Variants in STEAP4 observed in about 807,000 individuals in gnomAD.
STEAP4 encodes metalloreductase STEAP4.
Under a neutral mutation model 43.6 loss-of-function variants are expected in STEAP4, and 36 were observed. The observed-to-expected ratio is 0.83, with a 90% CI of 0.63 to 1.09. The LOEUF (loss-of-function observed/expected upper bound fraction) is 1.09, where lower values mean the gene tolerates loss of function less well. Ranked by LOEUF, STEAP4 falls within the 50% of genes least tolerant of loss-of-function variation. The pLI, the probability that STEAP4 is intolerant of heterozygous loss-of-function variation, is 0.00. For missense variants in STEAP4, 495 were observed against 546.5 expected (o/e 0.91, Z 0.94); for synonymous variants, 191 against 196.7 (o/e 0.97, Z 0.24).
chr7:88,301,315 C>G (rs1563504932), intron 1 of STEAP4, among the ~76,000 whole-genome samples: 1 of 152,174 alleles, frequency 6.6e-6, no homozygotes, highest in African/African-American at 2.4e-5. Context: ...GCTCTGTCAC[C>G]CAGGCAGGAG....
chr7:88,284,199 A>C lies in STEAP4; in HGVS notation c.71T>G (p.Ile24Ser), dbSNP rs771207002. 5.6e-6 allele frequency: 9 copies of C among 1,613,912 alleles called. No homozygotes were observed. In the East Asian group the frequency reaches 2.0e-4, roughly 36 times the overall value. Residue 24 changes from isoleucine (I) to serine (S), a missense_variant, in exon 2 of 5, where the codon ATT (isoleucine) becomes AGT (serine). By Grantham distance (142) the Ile-to-Ser change is moderately radical. Coordinates refer to ENST00000380079, the MANE Select transcript of STEAP4 (RefSeq NM_024636.4). ...TCTTCCAAAATCACCAGTTCCAAAA[A>C]TACATACAGTCTCTTGCTTTTCTGA... The part of the protein sequence containing the change: ...NSSEKQETVC[I>S]FGTGDFGRSL...
chr7:88,273,682 C>G lies in STEAP4; in HGVS notation c.*5716G>C, dbSNP rs182940374. ...AAAAGAAAATATTTGCCTTTAAGCT[C>G]TGGAGAAGAGCTATCCTCTCCTTGA... On this transcript the variant is annotated 3_prime_UTR_variant, in exon 5 of 5. Coordinates refer to ENST00000380079, the MANE Select transcript of STEAP4 (RefSeq NM_024636.4). 1.3e-5 allele frequency: 2 copies of G among 152,324 alleles called. No individual in the cohort carries two copies. Among genetic ancestry groups the G allele is most frequent in the East Asian group, 3.9e-4 (2 of 5,186 alleles). 9.4% of individuals were successfully genotyped at this position (152,324 alleles called of 1,614,324 possible). A position where few individuals can be genotyped will look rare whatever the true frequency, so the allele number is the denominator to read the frequency against.
At position 88,305,440 on chromosome 7, in the gene STEAP4, G is replaced by A. The variant is rs1206366379; in HGVS notation, c.-3+1352C>T. On this transcript the variant is annotated intron_variant, in intron 1 of 4. Transcript: ENST00000380079. ...AAAAGTTACTGCTTCAAATAAATGT[G>A]CCATTTTACAAAATTATACCTACTG... Among the ~76,000 whole-genome samples, 3 of 152,036 alleles carry A rather than the reference G, an allele frequency of 2.0e-5. No homozygotes were observed. In the East Asian group the frequency reaches 5.8e-4, roughly 29 times the overall value.
chr7:88,304,702 CA>C lies in STEAP4; in HGVS notation c.-3+2089del, dbSNP rs66646552. 3.0e-3 allele frequency among the ~76,000 whole-genome samples: 426 copies of C among 143,020 alleles called. 4 individuals carry two copies. Among genetic ancestry groups the C allele is most frequent in the African/African-American group, 0.01 (403 of 39,056 alleles). The allele number at this position is 143,020 out of a possible 152,430, so 93.8% of individuals were successfully genotyped here. A position where few individuals can be genotyped will look rare whatever the true frequency, so the allele number is the denominator to read the frequency against. On this transcript the variant is annotated intron_variant, in intron 1 of 4. Coordinates refer to ENST00000380079, the MANE Select transcript of STEAP4 (RefSeq NM_024636.4). ...ACTTATCAGATTTCCTAAGATTTTC[CA>C]AAAAAAAAATGATTTTTAAGTAGCA...
chr7:88,293,776 A>C (rs540595702), intron 1 of STEAP4, among the ~76,000 whole-genome samples: 5 of 152,052 alleles, frequency 3.3e-5, no homozygotes, highest in African/African-American at 1.2e-4. Context: ...TGCATTCTCT[A>C]TTCTGTTCCA....
intron 1 of STEAP4, among the ~76,000 whole-genome samples, chr7:88,302,514 C>T (rs1853052570): frequency 6.6e-6 from 1 of 152,238 alleles, no homozygotes; most frequent in Admixed American, 6.5e-5. Context: ...ACTGTTTTCA[C>T]ACCCTGTAAA....
chr7:88,302,905 CAT>C (rs144373235), intron 1 of STEAP4, among the ~76,000 whole-genome samples: 1,697 of 130,834 alleles, frequency 0.013, 33 homozygotes, highest in African/African-American at 0.047. Flanking sequence ...AGTGAGCTGA[CAT>C]CGCGCTACTG....
At chr7:88,301,638 G>A (rs1233257662) in intron 1 of STEAP4, among the ~76,000 whole-genome samples, 1 of 150,858 alleles carries the variant, frequency 6.6e-6, no homozygotes, top group African/African-American at 2.4e-5. Context: ...CTACCTCCTG[G>A]GTTCAAATTA....
chr7:88,304,714 G>A (rs986283868), intron 1 of STEAP4, among the ~76,000 whole-genome samples: 8 of 151,274 alleles, frequency 5.3e-5, no homozygotes, highest in Non-Finnish European at 5.9e-5. Flanking sequence ...AAAAAAAAAT[G>A]ATTTTTAAGT....
rs752684496 is a variant in STEAP4, at chr7:88,283,896, A to G, written c.374T>C (p.Val125Ala). 213 of 1,614,032 alleles carry G rather than the reference A, an allele frequency of 1.3e-4. No individual in the cohort carries two copies. The highest frequency in any genetic ancestry group is 1.6e-4 in the Non-Finnish European group (191 of 1,180,038). ...TGCTTTTACCACGTGGGCTCCTGGC[A>G]CCAAATGAGCAAGGTACTCTGCATT... ...ESNAEYLAHL[V>A]PGAHVVKAFN... The change falls in exon 2 of 5, where the codon GTG (valine) becomes GCG (alanine). Residue 125 changes from valine to alanine, a missense_variant. Coordinates refer to ENST00000380079, the MANE Select transcript of STEAP4 (RefSeq NM_024636.4).
At chr7:88,287,771 A>G (rs1348120253) in intron 1 of STEAP4, among the ~76,000 whole-genome samples, 1 of 152,218 alleles carries the variant, frequency 6.6e-6, no homozygotes, top group Non-Finnish European at 1.5e-5. Flanking sequence ...GGGGAAGGTC[A>G]GACTCTTGTA....
intron 1 of STEAP4, among the ~76,000 whole-genome samples, chr7:88,300,321 G>A (rs1040822467): frequency 1.3e-5 from 2 of 152,178 alleles, no homozygotes; most frequent in Admixed American, 1.3e-4. Flanking sequence ...TGATTTTCAT[G>A]CCTCAGCTTC....
Position 88,277,344 on chromosome 7 carries a change from T to C in STEAP4, c.*2054A>G, listed in dbSNP as rs1451045941. 6.6e-6 allele frequency: 1 copy of C among 152,092 alleles called. No homozygotes were observed. Among genetic ancestry groups the C allele is most frequent in the Non-Finnish European group, 1.5e-5 (1 of 68,016 alleles). The allele number at this position is 152,092 out of a possible 1,614,324, so 9.4% of individuals were successfully genotyped here. On this transcript the variant is annotated 3_prime_UTR_variant, in exon 5 of 5. Coordinates refer to ENST00000380079, the MANE Select transcript of STEAP4 (RefSeq NM_024636.4). Reference sequence around the variant, plus strand: ...GCAACCAGTTATAAATAAACGCAAATTGAAATAAAAAAGACAATCTACAAT... The same window carrying C: ...GCAACCAGTTATAAATAAACGCAAACTGAAATAAAAAAGACAATCTACAAT...
intron 1 of STEAP4, among the ~76,000 whole-genome samples, chr7:88,306,298 T>C (rs62486437): frequency 0.077 from 11,715 of 152,304 alleles, 658 homozygotes; most frequent in Non-Finnish European, 0.12. Flanking sequence ...TAAATTATAT[T>C]CTGAACAATC....
rs1181159741 is a variant in STEAP4 at position 88,272,939 on chromosome 7, A to G, written c.*6459T>C. On this transcript the variant is annotated 3_prime_UTR_variant, in exon 5 of 5. Transcript: ENST00000380079. ...TAGAAGGCTAGCTATAACAGACTCT[A>G]TAGAAAATTCCTGCATTTGGTAGCA... is the stretch of plus-strand genomic sequence containing the variant. 6.6e-6 allele frequency: 1 copy of G among 152,238 alleles called. No homozygotes were observed. Among genetic ancestry groups the G allele is most frequent in the Non-Finnish European group, 1.5e-5 (1 of 68,034 alleles). 9.4% of individuals were successfully genotyped at this position (152,238 alleles called of 1,614,324 possible).
rs1230406619 is a variant in STEAP4, at chr7:88,271,279, T to C, written c.*8119A>G. The stretch of plus-strand genomic sequence containing the variant: ...TAAAAACCAAAATGATATGAAAAGG[T>C]CTACAGTGCTTCTACTCCTGTCACT... On this transcript the variant is annotated 3_prime_UTR_variant, in exon 5 of 5. Transcript: ENST00000380079. 6.6e-6 allele frequency: 1 copy of C among 152,166 alleles called. No homozygotes were observed. Among genetic ancestry groups the C allele is most frequent in the Non-Finnish European group, 1.5e-5 (1 of 68,032 alleles). 9.4% of individuals were successfully genotyped at this position (152,166 alleles called of 1,614,324 possible).
In STEAP4 at chr7:88,271,875, G is replaced by C. The variant is rs1471143618; in HGVS notation, c.*7523C>G. The C allele has an allele frequency of 6.6e-6, 1 of 152,192 alleles. No individual in the cohort carries two copies. Among genetic ancestry groups the C allele is most frequent in the African/African-American group, 2.4e-5 (1 of 41,452 alleles). The allele number at this position is 152,192 out of a possible 1,614,324, so 9.4% of individuals were successfully genotyped here. On this transcript the variant is annotated 3_prime_UTR_variant, in exon 5 of 5. Coordinates refer to ENST00000380079, the MANE Select transcript of STEAP4 (RefSeq NM_024636.4). ...GGATTTTTGCCCATCTACTAGGTGAGAAATGGTATTGATACAGTTACAATT... is the reference window on the plus strand; with the variant it reads ...GGATTTTTGCCCATCTACTAGGTGACAAATGGTATTGATACAGTTACAATT...
At position 88,284,664 on chromosome 7, in the gene STEAP4, T is replaced by C. The variant is rs536844870; in HGVS notation, c.-2-393A>G. Among the ~76,000 whole-genome samples, 3 of 152,304 alleles carry C rather than the reference T, an allele frequency of 2.0e-5. No individual in the cohort carries two copies. In the South Asian group the frequency reaches 6.2e-4, roughly 32 times the overall value. On this transcript the variant is annotated intron_variant, in intron 1 of 4. Transcript: ENST00000380079. ...CAGCAGCTTGTTAATAGAAGGTTTA[T>C]GTTGATCAAATGGGGATTATTCTAC...
intron 1 of STEAP4, among the ~76,000 whole-genome samples, chr7:88,289,494 G>A (rs962023701): frequency 2.6e-5 from 4 of 152,018 alleles, no homozygotes; most frequent in Non-Finnish European, 5.9e-5. Flanking sequence ...CTTTTTCCTG[G>A]GGTTTCAGAA....
Sources: gnomAD v4.1 joint callset for allele counts (sites outside exome capture counted in the v4.1 genomes callset) on GRCh38, gnomAD v4.1.1 for gene constraint, MANE v1.5 for transcripts, NCBI Gene and HGNC (gene_info 2026-07-23, HGNC 2026-07-21) for gene names.